Variants in ARSI observed in about 807,000 individuals in gnomAD.
ARSI encodes the protein arylsulfatase family member I, also known as arylsulfatase I.
ARSI carries 37 observed loss-of-function variants against 42.1 expected under a neutral mutation model. The observed-to-expected ratio is 0.88, with a 90% CI of 0.68 to 1.16. ARSI has a LOEUF of 1.16. Among genes scored for constraint, ARSI ranks in the 50% most tolerant of loss-of-function variants. The pLI is 0.00. For missense variants in ARSI, 725 were observed against 790.1 expected (o/e 0.92, Z 0.99); for synonymous variants, 305 against 320.3 (o/e 0.95, Z 0.51).
In ARSI at chr5:150,298,205, G is replaced by C. The variant is rs1443532536; in HGVS notation, c.719C>G (p.Thr240Arg). 1.2e-6 allele frequency: 2 copies of C among 1,614,168 alleles called. No individual in the cohort carries two copies. The highest frequency in any genetic ancestry group is 1.7e-6 in the Non-Finnish European group (2 of 1,180,044). Residue 240 changes from threonine (T) to arginine (R), a missense_variant, in exon 2 of 2, where the codon ACA becomes AGA. Transcript: ENST00000328668. ...GTACTCACGAGGGGACTGCAGGGGT[G>C]TGTGTACTGCCTGGAAGGCCACATA... ...FLYVAFQAVH[T>R]PLQSPREYLY... is the part of the protein sequence containing the mutation.
chr5:150,299,439 T>A (rs1757880300), intron 1 of ARSI, among the ~76,000 whole-genome samples: 1 of 152,202 alleles, frequency 6.6e-6, no homozygotes, highest in African/African-American at 2.4e-5. Context: ...TATTCAACCT[T>A]CTATTCCTAG....
In ARSI at chr5:150,297,364, C is replaced by T. The variant is rs1486576084; in HGVS notation, c.1560G>A (p.Trp520Ter). 1.2e-6 allele frequency: 2 copies of T among 1,612,316 alleles called. No individual in the cohort carries two copies. The highest frequency in any genetic ancestry group is 2.7e-5 in the African/African-American group (2 of 74,888). ...CTTCCTCATCACTGGCCCAGGGCCC[C>T]CAAGCACCCCCATTAAAGTCAGGAT... is the stretch of plus-strand genomic sequence containing the variant. Reference protein sequence around the residue: ...RAHPDFNGGAWGPWASDEEEE... With the variant: ...RAHPDFNGGA Residue 520 changes from tryptophan (W) to a stop codon, truncating the protein, a stop_gained, in exon 2 of 2, where the codon TGG (tryptophan) becomes TGA (stop). Coordinates refer to ENST00000328668, the MANE Select transcript of ARSI (RefSeq NM_001012301.4). LOFTEE classifies it high-confidence loss of function. The surrounding 1 kb of genome is among the most constrained non-coding windows in gnomAD (Gnocchi z 7.0).
At position 150,297,124 on chromosome 5, in the gene ARSI, G is replaced by T; in HGVS notation, c.*90C>A. The T allele has an allele frequency of 7.2e-7, 1 of 1,388,298 alleles. No homozygotes were observed. Among genetic ancestry groups the T allele is most frequent in the Non-Finnish European group, 9.8e-7 (1 of 1,017,924 alleles). The allele number at this position is 1,388,298 out of a possible 1,614,324, so 86.0% of individuals were successfully genotyped here. Reference sequence around the variant, plus strand: ...CTACACCCTCCAACTCCCTGTAGATGGAGATGTGACAGGCTTCTCCCTGAG... The same window carrying T: ...CTACACCCTCCAACTCCCTGTAGATTGAGATGTGACAGGCTTCTCCCTGAG... On this transcript the variant is annotated 3_prime_UTR_variant, in exon 2 of 2. Coordinates refer to ENST00000328668, the MANE Select transcript of ARSI (RefSeq NM_001012301.4). The surrounding 1 kb of genome is among the most constrained non-coding windows in gnomAD (Gnocchi z 7.0).
Position 150,302,319 on chromosome 5 carries a change from A to G in ARSI, c.55T>C (p.Ser19Pro), listed in dbSNP as rs1757935433. The change falls in exon 1 of 2, where the codon TCC becomes CCC. Residue 19 changes from serine to proline, a missense_variant. Transcript: ENST00000328668. This position sits in a 1 kb window ranked among gnomAD's most constrained non-coding sequence, Gnocchi z 6.1. ...AAGCTCGGCTTGGCCCAGTCCCAGG[A>G]CAGGTAGCCGAAGCTGAGCAGGCTG... ...LVSLLSFGYL[S>P]WDWAKPSFVA... 1 of 1,586,986 alleles carries G rather than the reference A, an allele frequency of 6.3e-7. No individual in the cohort carries two copies.
At position 150,296,962 on chromosome 5, in the gene ARSI, A is replaced by G; in HGVS notation, c.*252T>C. 2.5e-6 allele frequency: 1 copy of G among 399,248 alleles called. No individual in the cohort carries two copies. Among genetic ancestry groups the G allele is most frequent in the Non-Finnish European group, 4.4e-6 (1 of 226,738 alleles). The allele number at this position is 399,248 out of a possible 1,614,324, so 24.7% of individuals were successfully genotyped here. A position where few individuals can be genotyped will look rare whatever the true frequency, so the allele number is the denominator to read the frequency against. ...GCTCATTTTACAGATGAGGAAACTG[A>G]GGCTAAAAGCTCATGTGGGTCACCT... On this transcript the variant is annotated 3_prime_UTR_variant, in exon 2 of 2. Coordinates refer to ENST00000328668, the MANE Select transcript of ARSI (RefSeq NM_001012301.4).
In ARSI at chr5:150,302,229, T is replaced by G; in HGVS notation, c.145A>C (p.Ile49Leu). Residue 49 changes from isoleucine (I) to leucine (L), a missense_variant, in exon 1 of 2, where the codon ATC becomes CTC. By Grantham distance (5) the Ile-to-Leu change is conservative. Transcript: ENST00000328668. The surrounding 1 kb of genome is among the most constrained non-coding windows in gnomAD (Gnocchi z 6.1). ...TGGTCGTCCGTGAGGATGAAGATGATGTGGGGAGGCTGGGGCGGAGCGGCC... is the reference window on the plus strand; with the variant it reads ...TGGTCGTCCGTGAGGATGAAGATGAGGTGGGGAGGCTGGGGCGGAGCGGCC... The part of the protein sequence containing the change: ...PSAAPPQPPH[I>L]IFILTDDQGY... 1 of 1,613,534 alleles carries G rather than the reference T, an allele frequency of 6.2e-7. No individual in the cohort carries two copies. Among genetic ancestry groups the G allele is most frequent in the Non-Finnish European group, 8.5e-7 (1 of 1,179,918 alleles).
rs1321938155 is a variant in ARSI at position 150,298,551 on chromosome 5, G to C, written c.373C>G (p.Pro125Ala). Residue 125 changes from proline (P) to alanine (A), a missense_variant, in exon 2 of 2, where the codon CCC (proline) becomes GCC (alanine). Coordinates refer to ENST00000328668, the MANE Select transcript of ARSI (RefSeq NM_001012301.4). ...TGTGGCAGTGTCACCTGGTCCAGGG[G>C]CAGGCAGTTGGGCTGCTGTGGGCGG... The part of the protein sequence containing the change: ...IIRPQQPNCL[P>A]LDQVTLPQKL... 1 of 1,613,934 alleles carries C rather than the reference G, an allele frequency of 6.2e-7. No individual in the cohort carries two copies. Among genetic ancestry groups the C allele is most frequent in the Non-Finnish European group, 8.5e-7 (1 of 1,179,926 alleles).
At chr5:150,301,138 T>C (rs1488772511) in intron 1 of ARSI, among the ~76,000 whole-genome samples, 1 of 152,146 alleles carries the variant, frequency 6.6e-6, no homozygotes, top group East Asian at 1.9e-4. Flanking sequence ...ATTTCTCCCA[T>C]CCAAGAAATA....
chr5:150,302,186 C>A lies in ARSI; in HGVS notation c.188G>T (p.Gly63Val). ...LTDDQGYHDV[G>V]YHGSDIETPT... The stretch of plus-strand genomic sequence containing the variant: ...GGTCTCGATATCTGAACCATGGTAG[C>A]CCACGTCGTGGTAGCCTTGGTCGTC... Residue 63 changes from glycine (G) to valine (V), a missense_variant, in exon 1 of 2, where the codon GGC becomes GTC. Physicochemically the swap from Gly to Val is moderately radical, Grantham distance 109. Transcript: ENST00000328668. The surrounding 1 kb of genome is among the most constrained non-coding windows in gnomAD (Gnocchi z 6.1). 6.2e-7 allele frequency: 1 copy of A among 1,614,018 alleles called. No homozygotes were observed. Among genetic ancestry groups the A allele is most frequent in the South Asian group, 1.1e-5 (1 of 91,036 alleles).
At position 150,297,277 on chromosome 5, in the gene ARSI, C is replaced by T; in HGVS notation, c.1647G>A (p.Lys549=). The change falls in exon 2 of 2, where the codon AAG becomes AAA. Residue 549 remains lysine (K), a synonymous_variant. Coordinates refer to ENST00000328668, the MANE Select transcript of ARSI (RefSeq NM_001012301.4). The surrounding 1 kb of genome is among the most constrained non-coding windows in gnomAD (Gnocchi z 7.0). Reference sequence around the variant, plus strand: ...GGAAAAAGGATCGAAGCTTGCAAATCTTGCATTTTTTCTTGCGACGACCCC... The same window carrying T: ...GGAAAAAGGATCGAAGCTTGCAAATTTTGCATTTTTTCTTGCGACGACCCC... ...FSRGRRKKKC[K]ICKLRSFFRK... 1 of 1,605,330 alleles carries T rather than the reference C, an allele frequency of 6.2e-7. No homozygotes were observed. The highest frequency in any genetic ancestry group is 8.5e-7 in the Non-Finnish European group (1 of 1,176,526).
chr5:150,301,601 G>C (rs938988413), intron 1 of ARSI, among the ~76,000 whole-genome samples: 1 of 152,202 alleles, frequency 6.6e-6, no homozygotes, highest in African/African-American at 2.4e-5. Context: ...CATAGAGGCT[G>C]CCATATATTG....
chr5:150,297,541 G>A lies in ARSI; in HGVS notation c.1383C>T (p.Ala461=), dbSNP rs112583032. 3.1e-3 allele frequency: 4,974 copies of A among 1,613,146 alleles called. 52 individuals carry two copies. The African/African-American group carries it at 0.034, about 11-fold the overall frequency. The change falls in exon 2 of 2, where the codon GCC becomes GCT. Residue 461 remains alanine (A), a synonymous_variant. Coordinates refer to ENST00000328668, the MANE Select transcript of ARSI (RefSeq NM_001012301.4). This position sits in a 1 kb window ranked among gnomAD's most constrained non-coding sequence, Gnocchi z 7.0. ...NLERMASVRQ[A]VWLFNISADP... is the part of the protein sequence containing the mutation. ...CAGCACTGATGTTGAAGAGCCACAC[G>A]GCCTGGCGGACACTGGCCATTCGTT...
rs1329622421 is a variant in ARSI, at chr5:150,297,727, G to A, written c.1197C>T (p.Ala399=). 6.2e-7 allele frequency: 1 copy of A among 1,613,004 alleles called. No homozygotes were observed. Among genetic ancestry groups the A allele is most frequent in the Non-Finnish European group, 8.5e-7 (1 of 1,179,932 alleles). Residue 399 remains alanine, a synonymous_variant, in exon 2 of 2, where the codon GCC becomes GCT. Transcript: ENST00000328668. This position sits in a 1 kb window ranked among gnomAD's most constrained non-coding sequence, Gnocchi z 7.0. ...LHNIDPLYNH[A]QHGSLEGGFG... is the part of the protein sequence containing the mutation. ...AGCCGCCCTCCAGGGAGCCATGCTGGGCATGGTTGTAGAGTGGGTCAATGT... is the reference window on the plus strand; with the variant it reads ...AGCCGCCCTCCAGGGAGCCATGCTGAGCATGGTTGTAGAGTGGGTCAATGT...
At position 150,297,991 on chromosome 5, in the gene ARSI, G is replaced by A. The variant is rs147161436; in HGVS notation, c.933C>T (p.Leu311=). The stretch of plus-strand genomic sequence containing the variant: ...CCCAATAAGTGCCCTTGCGTCCTCG[G>A]AGCGGCCAGTTGCTGCCCCCCGAGA... ...QTFSGGSNWP[L]RGRKGTYWEG... Residue 311 remains leucine, a synonymous_variant, in exon 2 of 2, where the codon CTC becomes CTT. Transcript: ENST00000328668. This position sits in a 1 kb window ranked among gnomAD's most constrained non-coding sequence, Gnocchi z 7.0. 3.7e-5 allele frequency: 59 copies of A among 1,612,566 alleles called. No individual in the cohort carries two copies. The African/African-American group carries it at 5.1e-4, about 14-fold the overall frequency.
chr5:150,301,875 G>C (rs1305224836), intron 1 of ARSI, among the ~76,000 whole-genome samples, 188 bp downstream of exon 1: 4 of 152,194 alleles, frequency 2.6e-5, no homozygotes, highest in South Asian at 2.1e-4. Flanking sequence ...CCTCAAAGAT[G>C]ATGAAGCCCA....
chr5:150,302,538 G>A lies in ARSI; in HGVS notation c.-165C>T. 2.0e-6 allele frequency: 1 copy of A among 497,248 alleles called. No homozygotes were observed. The highest frequency in any genetic ancestry group is 3.2e-6 in the Non-Finnish European group (1 of 312,432). 30.8% of individuals were successfully genotyped at this position (497,248 alleles called of 1,614,324 possible). A position where few individuals can be genotyped will look rare whatever the true frequency, so the allele number is the denominator to read the frequency against. On this transcript the variant is annotated 5_prime_UTR_variant, in exon 1 of 2. Transcript: ENST00000328668. The surrounding 1 kb of genome is among the most constrained non-coding windows in gnomAD (Gnocchi z 6.1). ...CCGGGACTGGCTGCCGGACGGCTGG[G>A]CCGGATCTGCTCGGCCGCAGCGGGG...
Position 150,298,045 on chromosome 5 carries a change from G to A in ARSI, c.879C>T (p.Ile293=). Residue 293 remains isoleucine (I), a synonymous_variant, in exon 2 of 2, where the codon ATC becomes ATT. Transcript: ENST00000328668. ...TCTGGCCACCATTGTCACTGGAGAA[G>A]ATGATGACACTGTTGTTGTAGAAAC... ...RYGFYNNSVI[I]FSSDNGGQTF... 6.2e-7 allele frequency: 1 copy of A among 1,612,894 alleles called. No homozygotes were observed. Among genetic ancestry groups the A allele is most frequent in the Non-Finnish European group, 8.5e-7 (1 of 1,180,012 alleles).
Position 150,297,394 on chromosome 5 carries a change from C to T in ARSI, c.1530G>A (p.Arg510=). ...CACCCCCATTAAAGTCAGGATGAGCCCGGGGGTTCTCAGCTGGGTAGCGTA... is the reference window on the plus strand; with the variant it reads ...CACCCCCATTAAAGTCAGGATGAGCTCGGGGGTTCTCAGCTGGGTAGCGTA... ...IPVRYPAENP[R]AHPDFNGGAW... The change falls in exon 2 of 2, where the codon CGG becomes CGA. Residue 510 remains arginine (R), a synonymous_variant. Coordinates refer to ENST00000328668, the MANE Select transcript of ARSI (RefSeq NM_001012301.4). This position sits in a 1 kb window ranked among gnomAD's most constrained non-coding sequence, Gnocchi z 7.0. 4 of 1,609,216 alleles carry T rather than the reference C, an allele frequency of 2.5e-6. No homozygotes were observed. In the South Asian group the frequency reaches 3.3e-5, roughly 13 times the overall value.
chr5:150,300,787 CA>C (rs1757906774), intron 1 of ARSI, among the ~76,000 whole-genome samples: 1 of 152,188 alleles, frequency 6.6e-6, no homozygotes, highest in Admixed American at 6.5e-5. Flanking sequence ...CTACTTAAAC[CA>C]AAAGTCACCT....
Sources: gnomAD v4.1 joint callset for allele counts (sites outside exome capture counted in the v4.1 genomes callset) on GRCh38, gnomAD v4.1.1 for gene constraint, Gnocchi (gnomAD v3.1) non-coding constraint, MANE v1.5 for transcripts, NCBI Gene and HGNC (gene_info 2026-07-23, HGNC 2026-07-21) for gene names.